ZSCAN30: variants seen among roughly 807,000 people sequenced by gnomAD.
ZSCAN30 encodes the protein zinc finger and SCAN domain-containing protein 30.
Under a neutral mutation model 44.3 loss-of-function variants are expected in ZSCAN30, and 37 were observed. That is an observed-to-expected ratio of 0.84 (90% CI 0.64 to 1.10). The LOEUF is 1.10. ZSCAN30 is among the 50% of genes least tolerant of loss of function. The probability of loss-of-function intolerance (pLI) is 0.00; values close to 1 mark genes in which losing one functional copy is unlikely to be tolerated. For synonymous variants in ZSCAN30, 181 were observed against 204.6 expected, an observed-to-expected ratio of 0.88 and a Z score of 0.98; for missense variants, 549 against 582.6, an observed-to-expected ratio of 0.94 and a Z score of 0.59.
intron 3 of ZSCAN30, chr18:35,263,312 T>TAA (rs2044068058): frequency 3.4e-6 from 2 of 591,942 alleles, no homozygotes; most frequent in South Asian, 6.1e-5. Flanking sequence ...TACTAAAGAC[T>TAA]TTAATTCTTA....
intron 3 of ZSCAN30, chr18:35,255,109 AG>A (rs1220455120): frequency 6.6e-6 from 1 of 151,840 alleles, no homozygotes; most frequent in Non-Finnish European, 1.5e-5. Flanking sequence ...GTATCAAAGA[AG>A]GGGATGGAGA....
At chr18:35,269,838 T>C (rs1598636303) in intron 1 of ZSCAN30, 1 of 136,754 alleles carries the variant, frequency 7.3e-6, no homozygotes, top group Non-Finnish European at 1.6e-5. Flanking sequence ...AAATAATGAG[T>C]GGCCAAAAAA....
In ZSCAN30 at chr18:35,263,611, GTGGA is replaced by G; in HGVS notation, c.451_454del (p.Ser151GlnfsTer4). 6.2e-7 allele frequency: 1 copy of G among 1,614,170 alleles called. No homozygotes were observed. The highest frequency in any genetic ancestry group is 8.5e-7 in the Non-Finnish European group (1 of 1,180,028). Reference sequence around the variant, plus strand: ...CAGAGACAGAGACTTCAGTGCTCCTGTGGATGTCATTTCCTGCCAGAACATTTCT... The same window carrying G: ...CAGAGACAGAGACTTCAGTGCTCCTGTGTCATTTCCTGCCAGAACATTTCT... On this transcript the variant is annotated frameshift_variant, in exon 3 of 4. Coordinates refer to ENST00000333206, the MANE Select transcript of ZSCAN30 (RefSeq NM_001112734.4). LOFTEE classifies it high-confidence loss of function.
Position 35,252,086 on chromosome 18 carries a change from T to G in ZSCAN30, c.*1364A>C, listed in dbSNP as rs994272884. On this transcript the variant is annotated 3_prime_UTR_variant, in exon 4 of 4. Transcript: ENST00000333206. ...GGAGACAGCCCATCATCAGGACTCTTCTCTCCAGCAGGAATTAGTTGTCAT... is the reference window on the plus strand; with the variant it reads ...GGAGACAGCCCATCATCAGGACTCTGCTCTCCAGCAGGAATTAGTTGTCAT... The G allele has an allele frequency of 6.6e-6, 1 of 152,146 alleles. No individual in the cohort carries two copies. The highest frequency in any genetic ancestry group is 2.4e-5 in the African/African-American group (1 of 41,404). The allele number at this position is 152,146 out of a possible 1,614,324, so 9.4% of individuals were successfully genotyped here.
intron 1 of ZSCAN30, among the ~76,000 whole-genome samples, chr18:35,272,560 T>A (rs6507122): frequency 1.3e-5 from 2 of 152,048 alleles, no homozygotes; most frequent in East Asian, 3.9e-4. Flanking sequence ...GGCCAGGCTG[T>A]TCTCAAACTC....
intron 1 of ZSCAN30, among the ~76,000 whole-genome samples, chr18:35,287,008 TTCTC>T (rs2044564412): frequency 6.6e-6 from 1 of 152,176 alleles, no homozygotes; most frequent in African/African-American, 2.4e-5. Context: ...TCAATTGTAT[TTCTC>T]TATTATATTA....
intron 1 of ZSCAN30, chr18:35,268,727 G>A (rs1160017254): frequency 6.6e-6 from 1 of 152,142 alleles, no homozygotes; most frequent in African/African-American, 2.4e-5. Flanking sequence ...AGAAGAGTTG[G>A]TAAGACTAAA....
intron 3 of ZSCAN30, 90 bp downstream of exon 3, chr18:35,263,423 C>G: frequency 2.0e-6 from 3 of 1,535,786 alleles, no homozygotes; most frequent in Non-Finnish European, 1.8e-6. Flanking sequence ...TAGTGATAGC[C>G]ACAAGTGGCT....
intron 3 of ZSCAN30, 71 bp downstream of exon 3, chr18:35,263,442 G>GA (rs2044072903): frequency 6.3e-7 from 1 of 1,586,562 alleles, no homozygotes. Context: ...CTGTCGTTAA[G>GA]AAAATGAACC....
chr18:35,264,496 G>T, intron 1 of ZSCAN30, 41 bp from the exon 2 acceptor site: 1 of 855,406 alleles, frequency 1.2e-6, no homozygotes, highest in Non-Finnish European at 1.7e-6. Flanking sequence ...GGAAAATAAT[G>T]TACTTGGAAT....
chr18:35,261,321 T>C (rs542073604), intron 3 of ZSCAN30: 2 of 152,312 alleles, frequency 1.3e-5, no homozygotes, highest in Admixed American at 1.3e-4. Flanking sequence ...CTTAGGATTG[T>C]CTTGGCTATA....
intron 1 of ZSCAN30, among the ~76,000 whole-genome samples, chr18:35,280,319 C>T (rs989458988): frequency 4.0e-5 from 6 of 149,180 alleles, no homozygotes; most frequent in Admixed American, 1.3e-4. Flanking sequence ...GAGAAGGCAA[C>T]CACCATTTAT....
intron 1 of ZSCAN30, among the ~76,000 whole-genome samples, chr18:35,285,704 A>G (rs906619635): frequency 3.3e-5 from 5 of 152,188 alleles, no homozygotes; most frequent in African/African-American, 1.2e-4. Flanking sequence ...GATGCTGCTA[A>G]GGCAGTACTT....
intron 1 of ZSCAN30, among the ~76,000 whole-genome samples, chr18:35,286,792 T>G (rs2044560321): frequency 6.6e-6 from 1 of 152,194 alleles, no homozygotes; most frequent in Non-Finnish European, 1.5e-5. Flanking sequence ...AGATCAATTT[T>G]ACTTCTTCTT....
rs776909569 is a variant in ZSCAN30, at chr18:35,254,330, TCAA to T, written c.602_604del (p.Val201del). On this transcript the variant is annotated inframe_deletion, in exon 4 of 4. Coordinates refer to ENST00000333206, the MANE Select transcript of ZSCAN30 (RefSeq NM_001112734.4). ...TATCATAGCTGCTGAGGCTACACAT[TCAA>T]CAATTTCTTGCTTTGCCATCAACAC... 1 of 1,613,904 alleles carries T rather than the reference TCAA, an allele frequency of 6.2e-7. No individual in the cohort carries two copies. The highest frequency in any genetic ancestry group is 1.1e-5 in the South Asian group (1 of 91,086).
chr18:35,266,980 T>C (rs1376103496), intron 1 of ZSCAN30: 4 of 151,762 alleles, frequency 2.6e-5, no homozygotes, highest in African/African-American at 9.7e-5. Context: ...CTTAATTTTT[T>C]AGTGTAAAAT....
chr18:35,279,594 G>A (rs2044420099), intron 1 of ZSCAN30, among the ~76,000 whole-genome samples: 1 of 152,200 alleles, frequency 6.6e-6, no homozygotes, highest in African/African-American at 2.4e-5. Flanking sequence ...ACTGGAGGCT[G>A]GAAAGTACAA....
intron 1 of ZSCAN30, chr18:35,289,787 C>G (rs1263036338): frequency 2.6e-5 from 4 of 152,154 alleles, no homozygotes; most frequent in Non-Finnish European, 5.9e-5. Context: ...CAGTGGTTCT[C>G]AAAATGTGGT....
At chr18:35,274,940 T>C (rs2044344978) in intron 1 of ZSCAN30, among the ~76,000 whole-genome samples, 1 of 152,238 alleles carries the variant, frequency 6.6e-6, no homozygotes, top group Non-Finnish European at 1.5e-5. Flanking sequence ...TGTAGTCCAA[T>C]TGAAATTTCC....
Sources: gnomAD v4.1 joint callset for allele counts (sites outside exome capture counted in the v4.1 genomes callset) on GRCh38, gnomAD v4.1.1 for gene constraint, MANE v1.5 for transcripts, NCBI Gene and HGNC (gene_info 2026-07-23, HGNC 2026-07-21) for gene names.